The following DLGAP1 variants were observed in gnomAD, a reference collection of about 807,000 sequenced individuals.
DLGAP1 encodes disks large-associated protein 1.
Under a neutral mutation model 90.8 loss-of-function variants are expected in DLGAP1, and 11 were observed. That is an observed-to-expected ratio of 0.12 (90% confidence interval 0.08 to 0.20). The LOEUF (loss-of-function observed/expected upper bound fraction) is 0.20. DLGAP1 is among the 10% of genes least tolerant of loss of function. DLGAP1 has a pLI of 1.00. For synonymous variants in DLGAP1, 558 were observed against 540.7 expected, an observed-to-expected ratio of 1.03 and a Z score of -0.44; for missense variants, 1,050 against 1,333.8, an observed-to-expected ratio of 0.79 and a Z score of 3.31.
chr18:4,007,972 T>C (rs2074337787), intron 2 of DLGAP1, among the ~76,000 whole-genome samples: 6 of 152,172 alleles, frequency 3.9e-5, no homozygotes, highest in Admixed American at 3.3e-4. Context: ...AAAACCCACA[T>C]TTGGAAAATA....
intron 1 of DLGAP1, among the ~76,000 whole-genome samples, chr18:4,355,542 T>C (rs1473778884): frequency 2.0e-5 from 3 of 152,158 alleles, no homozygotes; most frequent in South Asian, 2.1e-4. Flanking sequence ...TACACAGATC[T>C]ACATACGTGA....
At chr18:3,848,621 G>A (rs1006046297) in intron 4 of DLGAP1, among the ~76,000 whole-genome samples, 2 of 152,050 alleles carry the variant, frequency 1.3e-5, no homozygotes, top group Non-Finnish European at 2.9e-5. Flanking sequence ...GTAGAGTTCT[G>A]TACTTCAGTG....
At chr18:3,612,457 C>T (rs1024715360) in intron 7 of DLGAP1, among the ~76,000 whole-genome samples, 19 of 152,160 alleles carry the variant, frequency 1.2e-4, no homozygotes, top group Admixed American at 9.8e-4. Context: ...CCAGGGGACC[C>T]GTGGCCCTTG....
intron 10 of DLGAP1, among the ~76,000 whole-genome samples, chr18:3,513,377 T>A (rs901435320): frequency 1.3e-5 from 2 of 152,222 alleles, no homozygotes; most frequent in Admixed American, 6.5e-5. Flanking sequence ...TGGGGTCCTA[T>A]AGCCCTGAAC....
At chr18:3,626,191 G>A (rs1333982030) in intron 7 of DLGAP1, among the ~76,000 whole-genome samples, 1 of 152,090 alleles carries the variant, frequency 6.6e-6, no homozygotes, top group Non-Finnish European at 1.5e-5. Context: ...TACTTGGGGG[G>A]CTGAGGTGGG....
At chr18:4,348,549 G>A (rs1218238594) in intron 1 of DLGAP1, among the ~76,000 whole-genome samples, 5 of 152,044 alleles carry the variant, frequency 3.3e-5, no homozygotes, top group Non-Finnish European at 7.4e-5. Context: ...AGAGCAATGA[G>A]CACATCTAGC....
chr18:4,354,342 C>T (rs767778689), intron 1 of DLGAP1, among the ~76,000 whole-genome samples: 9 of 152,130 alleles, frequency 5.9e-5, no homozygotes, highest in Non-Finnish European at 1.0e-4. Flanking sequence ...GAAATCTGAC[C>T]TATCTCCTTC....
At chr18:3,848,891 G>T (rs2069176741) in intron 4 of DLGAP1, among the ~76,000 whole-genome samples, 1 of 152,182 alleles carries the variant, frequency 6.6e-6, no homozygotes. Context: ...GGGCAAAGTA[G>T]ATATTAGCTT....
At chr18:4,423,464 T>C (rs1227551266) in intron 1 of DLGAP1, among the ~76,000 whole-genome samples, 1 of 152,228 alleles carries the variant, frequency 6.6e-6, no homozygotes, top group Non-Finnish European at 1.5e-5. Flanking sequence ...ATTACAGAAA[T>C]AGTTTTCCTA....
chr18:3,942,407 C>T (rs571277636), intron 3 of DLGAP1, among the ~76,000 whole-genome samples: 2 of 152,316 alleles, frequency 1.3e-5, no homozygotes, highest in Admixed American at 6.5e-5. Flanking sequence ...CTCTGTATTA[C>T]AGGACCTCCA....
intron 4 of DLGAP1, among the ~76,000 whole-genome samples, chr18:3,848,447 T>C (rs1211465809): frequency 1.3e-5 from 2 of 152,198 alleles, no homozygotes; most frequent in Non-Finnish European, 2.9e-5. Context: ...ACCTCTTCTA[T>C]GCAGATGACT....
At chr18:3,635,281 C>T (rs1048942893) in intron 7 of DLGAP1, among the ~76,000 whole-genome samples, 5 of 152,088 alleles carry the variant, frequency 3.3e-5, no homozygotes, top group African/African-American at 9.7e-5. Flanking sequence ...CAGGCGCCCG[C>T]CACCACGCCC....
At chr18:4,263,671 A>G (rs2079047653) in intron 1 of DLGAP1, among the ~76,000 whole-genome samples, 1 of 152,218 alleles carries the variant, frequency 6.6e-6, no homozygotes, top group African/African-American at 2.4e-5. Context: ...TCAATATTTA[A>G]AAGAAAAATA....
At chr18:3,780,396 T>C (rs1405745193) in intron 5 of DLGAP1, among the ~76,000 whole-genome samples, 2 of 152,204 alleles carry the variant, frequency 1.3e-5, no homozygotes, top group African/African-American at 2.4e-5. Context: ...GCGGTGTCCC[T>C]TTCTGCAGGT....
chr18:4,350,985 C>A (rs762531003), intron 1 of DLGAP1, among the ~76,000 whole-genome samples: 125 of 152,050 alleles, frequency 8.2e-4, no homozygotes, highest in Non-Finnish European at 1.4e-3. Flanking sequence ...ACTGAAATAG[C>A]CACACTCAAA....
At chr18:3,633,728 C>T (rs2058601248) in intron 7 of DLGAP1, among the ~76,000 whole-genome samples, 1 of 152,034 alleles carries the variant, frequency 6.6e-6, no homozygotes, top group African/African-American at 2.4e-5. Flanking sequence ...TACTTTTCTC[C>T]AGAGGTAATT....
intron 7 of DLGAP1, among the ~76,000 whole-genome samples, chr18:3,657,900 G>C (rs542358102): frequency 4.7e-4 from 71 of 152,232 alleles, no homozygotes; most frequent in African/African-American, 1.5e-3. Flanking sequence ...CACCGCGCCC[G>C]GCTCCCATGG....
Position 4,184,648 on chromosome 18 carries a change from C to A in DLGAP1, c.-266-33361G>T, listed in dbSNP as rs571699521. Among the ~76,000 whole-genome samples, 4 of 152,210 alleles carry A rather than the reference C, an allele frequency of 2.6e-5. No homozygotes were observed. In the South Asian group the frequency reaches 8.3e-4, roughly 32 times the overall value. On this transcript the variant is annotated intron_variant, in intron 1 of 12. Transcript: ENST00000315677. Reference sequence around the variant, plus strand: ...AGGATCCTACTACTTGGATAAAAAGCCAACATCACCCTGCCTTTCCTTCTT... The same window carrying A: ...AGGATCCTACTACTTGGATAAAAAGACAACATCACCCTGCCTTTCCTTCTT...
At chr18:3,756,465 T>TA (rs1237213407) in intron 5 of DLGAP1, among the ~76,000 whole-genome samples, 1 of 152,112 alleles carries the variant, frequency 6.6e-6, no homozygotes, top group Non-Finnish European at 1.5e-5. Context: ...AGGATGCAGT[T>TA]AAAACAGTAG....
Sources: gnomAD v4.1 joint callset for allele counts (sites outside exome capture counted in the v4.1 genomes callset) on GRCh38, gnomAD v4.1.1 for gene constraint, MANE v1.5 for transcripts, NCBI Gene and HGNC (gene_info 2026-07-23, HGNC 2026-07-21) for gene names.